Variants in ZNF451 observed in about 807,000 individuals in gnomAD.
The protein encoded by ZNF451 is E3 SUMO-protein ligase ZNF451.
Under a neutral mutation model 107.1 loss-of-function variants are expected in ZNF451, and 80 were observed. The ratio of observed to expected loss-of-function variants is 0.75; its 90% confidence interval spans 0.62 to 0.90. The LOEUF (loss-of-function observed/expected upper bound fraction) is 0.90, where lower values mean the gene tolerates loss of function less well. Among genes scored for constraint, ZNF451 ranks in the 40% least tolerant of loss-of-function variants. The probability of loss-of-function intolerance (pLI) is 0.00; values close to 1 mark genes in which losing one functional copy is unlikely to be tolerated. For synonymous variants in ZNF451, 362 were observed against 406.5 expected, an observed-to-expected ratio of 0.89 and a Z score of 1.32; for missense variants, 1,107 against 1,236.2, an observed-to-expected ratio of 0.90 and a Z score of 1.57.
At position 57,163,436 on chromosome 6, in the gene ZNF451, C is replaced by CTTTTTTTTTTTTTTTTTTTT. The variant is rs398001706; in HGVS notation, c.3139+2297_3139+2316dup. ...AATGGTTGCTTGTTAAATGAATAAACTTTTTTTTTTTTTTTTTTTTTTTTT... is the reference window on the plus strand; with the variant it reads ...AATGGTTGCTTGTTAAATGAATAAACTTTTTTTTTTTTTTTTTTTTTTTTTTTTTTTTTTTTTTTTTTTTT... On this transcript the variant is annotated intron_variant, in intron 14 of 14. Coordinates refer to ENST00000370706, the MANE Select transcript of ZNF451 (RefSeq NM_001031623.3). Among the ~76,000 whole-genome samples, 25 of 30,340 alleles carry CTTTTTTTTTTTTTTTTTTTT rather than the reference C, an allele frequency of 8.2e-4. 9 individuals carry two copies. Among genetic ancestry groups the CTTTTTTTTTTTTTTTTTTTT allele is most frequent in the Admixed American group, 1.1e-3 (2 of 1,816 alleles). The allele number at this position is 30,340 out of a possible 152,430, so 19.9% of individuals were successfully genotyped here. A position where few individuals can be genotyped will look rare whatever the true frequency, so the allele number is the denominator to read the frequency against.
intron 7 of ZNF451, among the ~76,000 whole-genome samples, chr6:57,138,792 A>T (rs868410454): frequency 0.025 from 1,926 of 76,586 alleles, 42 homozygotes; most frequent in Non-Finnish European, 0.032. Flanking sequence ...TATATATAAA[A>T]TTTTTTTTTT....
At chr6:57,098,470 A>G (rs963700645) in intron 2 of ZNF451, among the ~76,000 whole-genome samples, 7 of 151,954 alleles carry the variant, frequency 4.6e-5, no homozygotes, top group Non-Finnish European at 1.0e-4. Context: ...CCTGCTCTCC[A>G]TACTCCTCTA....
intron 9 of ZNF451, among the ~76,000 whole-genome samples, chr6:57,145,331 C>T (rs1018979792): frequency 5.3e-5 from 8 of 152,016 alleles, no homozygotes; most frequent in Admixed American, 2.0e-4. Context: ...TCAGGGGGTA[C>T]GAGTGCAGTT....
chr6:57,133,344 T>A, intron 6 of ZNF451, 152 bp downstream of exon 6: 1 of 825,038 alleles, frequency 1.2e-6, no homozygotes, highest in South Asian at 2.7e-5. Flanking sequence ...ATATAATTTT[T>A]TCATAATTGA....
At chr6:57,103,800 T>C (rs557149362) in intron 3 of ZNF451, 1 of 985,370 alleles carries the variant, frequency 1.0e-6, no homozygotes, top group South Asian at 4.7e-5. Context: ...TGGTAATTGA[T>C]GTTTTCTCTG....
At chr6:57,159,315 A>T in intron 13 of ZNF451, 2 of 985,370 alleles carry the variant, frequency 2.0e-6, no homozygotes, top group Non-Finnish European at 2.4e-6. Context: ...CTTGCATGCA[A>T]TGATGAATTG....
chr6:57,154,124 T>C, intron 13 of ZNF451, 77 bp downstream of exon 13: 1 of 1,412,560 alleles, frequency 7.1e-7, no homozygotes, highest in Non-Finnish European at 9.9e-7. Flanking sequence ...TAAACTGCTG[T>C]CCGCTAGTGA....
At chr6:57,111,146 C>T (rs1212457559) in intron 3 of ZNF451, among the ~76,000 whole-genome samples, 3 of 152,120 alleles carry the variant, frequency 2.0e-5, no homozygotes, top group Non-Finnish European at 4.4e-5. Flanking sequence ...GTCTCGAACT[C>T]CTGACCTCAA....
chr6:57,151,029 T>C, intron 11 of ZNF451, 167 bp downstream of exon 11: 1 of 804,360 alleles, frequency 1.2e-6, no homozygotes, highest in Admixed American at 3.0e-5. Context: ...TTTACATGCC[T>C]CTGTGGTAAA....
At chr6:57,168,380 G>C in intron 14 of ZNF451, 43 bp from the exon 15 acceptor site, 1 of 1,414,038 alleles carries the variant, frequency 7.1e-7, no homozygotes, top group Non-Finnish European at 9.9e-7. Context: ...CACATGTTGA[G>C]TTTTCTGCCC....
intron 7 of ZNF451, among the ~76,000 whole-genome samples, chr6:57,135,160 G>C (rs1365416549): frequency 6.6e-6 from 1 of 152,136 alleles, no homozygotes; most frequent in Admixed American, 6.5e-5. Context: ...GTCACTTGAT[G>C]AGAACCAGAA....
At chr6:57,109,528 T>C (rs1408108662) in intron 3 of ZNF451, 29 of 985,354 alleles carry the variant, frequency 2.9e-5, no homozygotes, top group Non-Finnish European at 3.3e-5. Flanking sequence ...GTAATTGTGC[T>C]GTTTCTATTC....
chr6:57,116,141 A>G (rs145758592), intron 3 of ZNF451: 3 of 152,284 alleles, frequency 2.0e-5, no homozygotes, highest in Non-Finnish European at 4.4e-5. Context: ...GAATTTTACA[A>G]TTTCACATTA....
chr6:57,141,464 A>T lies in ZNF451; in HGVS notation c.856+9A>T. On this transcript the variant is annotated intron_variant, in intron 8 of 14. Coordinates refer to ENST00000370706, the MANE Select transcript of ZNF451 (RefSeq NM_001031623.3). ...GAGTTTCAAACTGGGTGGTATGTTAATACTCTCTTCTGCTGAAAATTAAAC... is the reference window on the plus strand; with the variant it reads ...GAGTTTCAAACTGGGTGGTATGTTATTACTCTCTTCTGCTGAAAATTAAAC... 6.3e-7 allele frequency: 1 copy of T among 1,599,378 alleles called. No homozygotes were observed. Among genetic ancestry groups the T allele is most frequent in the East Asian group, 2.2e-5 (1 of 44,486 alleles).
In ZNF451 at chr6:57,147,222, T is replaced by A. The variant is rs372608790; in HGVS notation, c.1137T>A (p.Asn379Lys). ...TTGTGGATGAAACCAGCACCCAAAA[T>A]CATAAGCAGAATTCAGGACACAAAG... is the stretch of plus-strand genomic sequence containing the variant. ...QVFVDETSTQ[N>K]HKQNSGHKVR... The change falls in exon 10 of 15, where the codon AAT becomes AAA. Residue 379 changes from asparagine (N) to lysine (K), a missense_variant. Coordinates refer to ENST00000370706, the MANE Select transcript of ZNF451 (RefSeq NM_001031623.3). 2 of 1,614,024 alleles carry A rather than the reference T, an allele frequency of 1.2e-6. No homozygotes were observed.
chr6:57,137,838 A>G (rs187837300), intron 7 of ZNF451, among the ~76,000 whole-genome samples: 1 of 152,362 alleles, frequency 6.6e-6, no homozygotes, highest in African/African-American at 2.4e-5. Flanking sequence ...TTTATATAAA[A>G]GGAATCACAC....
chr6:57,106,400 C>T (rs1385789881), intron 3 of ZNF451: 1 of 753,170 alleles, frequency 1.3e-6, no homozygotes, highest in African/African-American at 1.9e-5. Flanking sequence ...ACCGCCACCT[C>T]CCGGGTTCAA....
Position 57,147,234 on chromosome 6 carries a change from T to A in ZNF451, c.1149T>A (p.Asn383Lys). ...DETSTQNHKQNSGHKVRVINS... is the reference protein window; with the variant it reads ...DETSTQNHKQKSGHKVRVINS... ...CCAGCACCCAAAATCATAAGCAGAA[T>A]TCAGGACACAAAGTCCGAGTCATTA... Residue 383 changes from asparagine to lysine, a missense_variant, in exon 10 of 15, where the codon AAT (asparagine) becomes AAA (lysine). This residue lies in a region of ZNF451 where 608 missense variants were observed against 649.2 expected (regional missense o/e 0.94). Coordinates refer to ENST00000370706, the MANE Select transcript of ZNF451 (RefSeq NM_001031623.3). The A allele has an allele frequency of 6.2e-7, 1 of 1,614,096 alleles. No individual in the cohort carries two copies. Among genetic ancestry groups the A allele is most frequent in the East Asian group, 2.2e-5 (1 of 44,870 alleles).
At position 57,136,814 on chromosome 6, in the gene ZNF451, T is replaced by C. The variant is rs113223085; in HGVS notation, c.702+1944T>C. The stretch of plus-strand genomic sequence containing the variant: ...TTTTTCCCCAAATTTCATTAATTTG[T>C]TTTTTCTTTTTTCTCGGAATCACAC... On this transcript the variant is annotated intron_variant, in intron 7 of 14. Transcript: ENST00000370706. 6.9e-4 allele frequency among the ~76,000 whole-genome samples: 105 copies of C among 152,272 alleles called. 2 individuals carry two copies. The highest frequency in any genetic ancestry group is 2.3e-3 in the African/African-American group (94 of 41,544).
Sources: allele counts gnomAD v4.1 joint callset (sites outside exome capture counted in the v4.1 genomes callset), GRCh38; gene constraint gnomAD v4.1.1; regional missense constraint gnomAD v4.1.1; transcripts MANE v1.5; gene names NCBI Gene and HGNC (gene_info 2026-07-23, HGNC 2026-07-21).